The following CABLES1 variants were observed in gnomAD, a reference collection of about 807,000 sequenced individuals.
CABLES1 encodes Cdk5 and Abl enzyme substrate 1, also known as CDK5 and ABL1 enzyme substrate 1.
Under a neutral mutation model 57.8 loss-of-function variants are expected in CABLES1, and 36 were observed. The ratio of observed to expected loss-of-function variants is 0.62; its 90% CI spans 0.48 to 0.82. CABLES1 has a LOEUF of 0.82. Among genes scored for constraint, CABLES1 ranks in the 40% least tolerant of loss-of-function variants. CABLES1 has a pLI of 0.00. For missense variants in CABLES1, 767 were observed against 836.6 expected, an observed-to-expected ratio of 0.92 and a Z score of 1.03; for synonymous variants, 374 against 363.0, an observed-to-expected ratio of 1.03 and a Z score of -0.35.
At position 23,252,756 on chromosome 18, in the gene CABLES1, A is replaced by G. The variant is rs570233774; in HGVS notation, c.1447-204A>G. On this transcript the variant is annotated intron_variant, in intron 7 of 9. Coordinates refer to ENST00000256925, the MANE Select transcript of CABLES1 (RefSeq NM_001100619.3). Reference sequence around the variant, plus strand: ...TTCCTAAGTGTCACCTCATCCTAATAGTGGTGACTTGTTTTCCGTTCGCCT... The same window carrying G: ...TTCCTAAGTGTCACCTCATCCTAATGGTGGTGACTTGTTTTCCGTTCGCCT... Among the ~76,000 whole-genome samples the G allele has an allele frequency of 1.4e-4, 21 of 152,210 alleles. No homozygotes were observed. The South Asian group carries it at 4.4e-3, about 32-fold the overall frequency.
At chr18:23,155,563 T>C (rs746949820) in intron 1 of CABLES1, among the ~76,000 whole-genome samples, 1 of 152,208 alleles carries the variant, frequency 6.6e-6, no homozygotes, top group Admixed American at 6.5e-5. Flanking sequence ...TTATTAGCAT[T>C]GGCATCTCCC....
At chr18:23,193,471 C>T (rs1202888992) in intron 2 of CABLES1, among the ~76,000 whole-genome samples, 2 of 73,316 alleles carry the variant, frequency 2.7e-5, no homozygotes, top group Admixed American at 3.6e-4. Context: ...TGATTACAGG[C>T]GTGAGCCACC....
intron 3 of CABLES1, among the ~76,000 whole-genome samples, chr18:23,213,688 G>A (rs2047420889): frequency 6.6e-6 from 1 of 152,208 alleles, no homozygotes; most frequent in Non-Finnish European, 1.5e-5. Flanking sequence ...TCTTGCATGT[G>A]CAGCCCACAG....
intron 1 of CABLES1, among the ~76,000 whole-genome samples, chr18:23,145,154 C>G (rs1007712811): frequency 2.0e-5 from 3 of 152,122 alleles, no homozygotes; most frequent in Non-Finnish European, 4.4e-5. Context: ...GCAGGCTGGT[C>G]TCAAACTCCT....
chr18:23,230,603 A>G (rs2047560574), intron 4 of CABLES1, among the ~76,000 whole-genome samples: 1 of 152,146 alleles, frequency 6.6e-6, no homozygotes, highest in Middle Eastern at 3.2e-3. Context: ...TAGAGCTGAG[A>G]TGATATTTAT....
At position 23,211,205 on chromosome 18, in the gene CABLES1, C is replaced by T. The variant is rs867091970; in HGVS notation, c.1011-2772C>T. ...TCTCATTTTCTTGTTCTATTAAATACGTCCAAACAAACTTAGTGTGTGGGA... is the reference window on the plus strand; with the variant it reads ...TCTCATTTTCTTGTTCTATTAAATATGTCCAAACAAACTTAGTGTGTGGGA... On this transcript the variant is annotated intron_variant, in intron 3 of 9. Transcript: ENST00000256925. Among the ~76,000 whole-genome samples the T allele has an allele frequency of 2.0e-4, 30 of 152,142 alleles. No homozygotes were observed. The South Asian group carries it at 2.1e-3, about 11-fold the overall frequency.
chr18:23,185,342 A>G (rs1598817332), intron 1 of CABLES1, among the ~76,000 whole-genome samples: 2 of 152,294 alleles, frequency 1.3e-5, no homozygotes. Context: ...TCCACACCAC[A>G]GCCCTGAAGG....
At chr18:23,169,928 C>T (rs1301174148) in intron 1 of CABLES1, among the ~76,000 whole-genome samples, 2 of 152,034 alleles carry the variant, frequency 1.3e-5, no homozygotes, top group Non-Finnish European at 2.9e-5. Context: ...CATGGGCAGC[C>T]GGAGGGCAGG....
At chr18:23,147,226 C>G (rs549427578) in intron 1 of CABLES1, among the ~76,000 whole-genome samples, 1 of 152,180 alleles carries the variant, frequency 6.6e-6, no homozygotes, top group African/African-American at 2.4e-5. Flanking sequence ...GCACCCCTGC[C>G]GCTAGGCCTC....
chr18:23,143,500 T>A (rs1301593223), intron 1 of CABLES1, among the ~76,000 whole-genome samples: 1 of 152,132 alleles, frequency 6.6e-6, no homozygotes, highest in African/African-American at 2.4e-5. Flanking sequence ...CTTCTCAGCA[T>A]CACCCTTTCC....
chr18:23,257,004 T>C (rs972046433), intron 9 of CABLES1, among the ~76,000 whole-genome samples: 7 of 152,214 alleles, frequency 4.6e-5, no homozygotes, highest in African/African-American at 1.4e-4. Flanking sequence ...ATAAGATGTA[T>C]GTGTGGTTCC....
chr18:23,192,008 G>A (rs2145021567), intron 2 of CABLES1, among the ~76,000 whole-genome samples: 1 of 151,134 alleles, frequency 6.6e-6, no homozygotes. Context: ...AGTTAGAATT[G>A]GGTGCTGATA....
At chr18:23,178,411 A>G (rs2047140445) in intron 1 of CABLES1, among the ~76,000 whole-genome samples, 1 of 151,030 alleles carries the variant, frequency 6.6e-6, no homozygotes, top group South Asian at 2.1e-4. Flanking sequence ...AAGGCTGTCC[A>G]GGGACCCTGG....
At chr18:23,244,643 T>A (rs1245039328) in intron 7 of CABLES1, among the ~76,000 whole-genome samples, 1 of 152,240 alleles carries the variant, frequency 6.6e-6, no homozygotes, top group Non-Finnish European at 1.5e-5. Flanking sequence ...AATGCCGGTA[T>A]ACAAGTATGG....
chr18:23,158,656 G>A (rs1417556031), intron 1 of CABLES1, among the ~76,000 whole-genome samples: 1 of 152,230 alleles, frequency 6.6e-6, no homozygotes, highest in African/African-American at 2.4e-5. Context: ...AGATTAAACA[G>A]ACCTTTGTCA....
chr18:23,256,112 C>T (rs923780130), intron 9 of CABLES1, among the ~76,000 whole-genome samples: 5 of 152,198 alleles, frequency 3.3e-5, no homozygotes. Flanking sequence ...AACTCAAGGT[C>T]TCATCCCAGT....
At chr18:23,151,489 T>C (rs919613583) in intron 1 of CABLES1, among the ~76,000 whole-genome samples, 1 of 152,136 alleles carries the variant, frequency 6.6e-6, no homozygotes, top group African/African-American at 2.4e-5. Flanking sequence ...CAGGTGCGTC[T>C]TGGAGGTAGA....
chr18:23,169,628 G>T (rs902884674), intron 1 of CABLES1, among the ~76,000 whole-genome samples: 1 of 152,306 alleles, frequency 6.6e-6, no homozygotes, highest in Non-Finnish European at 1.5e-5. Context: ...TCCCCAGTGG[G>T]TAAAACTTTA....
intron 1 of CABLES1, among the ~76,000 whole-genome samples, chr18:23,137,518 T>C (rs1353536563): frequency 6.6e-6 from 1 of 152,318 alleles, no homozygotes; most frequent in East Asian, 1.9e-4. Context: ...AGGCCTCTTG[T>C]GAAGTTAGCA....
Sources: gnomAD v4.1 joint callset for allele counts (sites outside exome capture counted in the v4.1 genomes callset) on GRCh38, gnomAD v4.1.1 for gene constraint, MANE v1.5 for transcripts, NCBI Gene and HGNC (gene_info 2026-07-23, HGNC 2026-07-21) for gene names.